The following ADAMTSL1 variants were observed in gnomAD, a reference collection of about 807,000 sequenced individuals.
ADAMTSL1 encodes the protein ADAMTS-like protein 1.
In ADAMTSL1, 126 loss-of-function variants were observed where a neutral mutation model predicts 201.8. That is an observed-to-expected ratio of 0.62 (90% CI 0.54 to 0.72). The LOEUF is 0.72. Among genes scored for constraint, ADAMTSL1 ranks in the 30% least tolerant of loss-of-function variants. The pLI is 0.00. For synonymous variants in ADAMTSL1, 1,121 were observed against 903.4 expected (o/e 1.24, Z -4.32); for missense variants, 2,679 against 2,277.8 (o/e 1.18, Z -3.59).
At chr9:18,892,714 G>A in intron 26 of ADAMTSL1, 118 bp downstream of exon 26, 1 of 1,204,114 alleles carries the variant, frequency 8.3e-7, no homozygotes, top group Non-Finnish European at 1.1e-6. Context: ...ATTCTGATTG[G>A]CCAGGCATAG....
rs879637545 is a variant in ADAMTSL1 at position 18,327,167 on chromosome 9, A to T, written c.207+163186A>T. On this transcript the variant is annotated intron_variant, in intron 2 of 29. Coordinates refer to the ADAMTSL1 transcript ENST00000680146. ...TATATGCAGCTTCTTTCTAAAGAGC[A>T]GTGACACTCTTGTTTCTGTAATAAC... Among the ~76,000 whole-genome samples the T allele has an allele frequency of 6.3e-3, 957 of 152,356 alleles. 3 individuals are homozygous for T. The highest frequency in any genetic ancestry group is 0.01 in the Non-Finnish European group (698 of 68,030).
At chr9:18,761,804 A>T (rs1209800427) in intron 16 of ADAMTSL1, among the ~76,000 whole-genome samples, 1 of 152,220 alleles carries the variant, frequency 6.6e-6, no homozygotes, top group Non-Finnish European at 1.5e-5. Flanking sequence ...ATGCAAACAC[A>T]CTGAAGAAAA....
chr9:18,723,355 A>G (rs1343539708), intron 15 of ADAMTSL1: 8 of 479,174 alleles, frequency 1.7e-5, no homozygotes, highest in Non-Finnish European at 3.0e-5. Context: ...CTGTGTTGTA[A>G]CAACACCCAA....
intron 2 of ADAMTSL1, among the ~76,000 whole-genome samples, chr9:18,312,746 C>G (rs900329950): frequency 6.6e-6 from 1 of 152,158 alleles, no homozygotes; most frequent in African/African-American, 2.4e-5. Flanking sequence ...CTCTGACTGT[C>G]TTAAGGTCTT....
At chr9:18,005,728 AATGTGCT>A (rs1381385790) in intron 1 of ADAMTSL1, among the ~76,000 whole-genome samples, 1 of 152,066 alleles carries the variant, frequency 6.6e-6, no homozygotes, top group African/African-American at 2.4e-5. Context: ...TAGTGATAGG[AATGTGCT>A]AGAGGCAGAA....
chr9:18,527,577 A>G (rs963701335), intron 2 of ADAMTSL1, among the ~76,000 whole-genome samples: 1 of 152,152 alleles, frequency 6.6e-6, no homozygotes. Flanking sequence ...TTTTCATGTC[A>G]TTTCACCTCT....
chr9:18,889,769 C>T, intron 25 of ADAMTSL1, 21 bp downstream of exon 25: 3 of 1,448,546 alleles, frequency 2.1e-6, no homozygotes, highest in Non-Finnish European at 2.7e-6. Context: ...CGGACACTGG[C>T]TCAGACCTCC....
intron 1 of ADAMTSL1, among the ~76,000 whole-genome samples, chr9:18,009,869 A>T (rs903229586): frequency 2.0e-5 from 3 of 152,102 alleles, no homozygotes; most frequent in Non-Finnish European, 4.4e-5. Flanking sequence ...ATAGGTACTC[A>T]GTCACAAACA....
chr9:18,128,014 A>G lies in ADAMTSL1; in HGVS notation c.88-35848A>G, dbSNP rs555333865. 3.3e-5 allele frequency among the ~76,000 whole-genome samples: 5 copies of G among 152,328 alleles called. No individual in the cohort carries two copies. In the South Asian group the frequency reaches 1.0e-3, roughly 32 times the overall value. ...ATAATTTTAGATGCTTTTCATTAAG[A>G]GATAACAGATTGCCTGTTGGTTGCT... On this transcript the variant is annotated intron_variant, in intron 1 of 29. Coordinates refer to the ADAMTSL1 transcript ENST00000680146.
intron 1 of ADAMTSL1, among the ~76,000 whole-genome samples, chr9:18,479,828 T>A (rs925825477): frequency 6.6e-6 from 1 of 152,180 alleles, no homozygotes; most frequent in African/African-American, 2.4e-5. Context: ...CAGGGAAAAG[T>A]ACAAGTAGGA....
intron 2 of ADAMTSL1, among the ~76,000 whole-genome samples, chr9:18,179,972 A>G (rs200861355): frequency 1.2e-4 from 19 of 152,180 alleles, no homozygotes; most frequent in African/African-American, 2.6e-4. Flanking sequence ...ATCAACTAAC[A>G]AGCAAAATAA....
intron 1 of ADAMTSL1, among the ~76,000 whole-genome samples, chr9:18,133,838 G>A (rs775975290): frequency 2.6e-5 from 4 of 152,028 alleles, no homozygotes; most frequent in Non-Finnish European, 4.4e-5. Flanking sequence ...AAAACTATTT[G>A]GTTAACTCTA....
At chr9:18,054,955 T>G (rs1475957521) in intron 1 of ADAMTSL1, among the ~76,000 whole-genome samples, 2 of 152,206 alleles carry the variant, frequency 1.3e-5, no homozygotes, top group African/African-American at 2.4e-5. Context: ...AGGCCAGTTA[T>G]TTTGACATTA....
At chr9:18,815,226 G>T (rs1823760133) in intron 20 of ADAMTSL1, among the ~76,000 whole-genome samples, 1 of 152,172 alleles carries the variant, frequency 6.6e-6, no homozygotes, top group African/African-American at 2.4e-5. Context: ...CAAAGGAAAT[G>T]AAAACAGTAA....
chr9:18,655,430 T>A (rs1024913887), intron 7 of ADAMTSL1, among the ~76,000 whole-genome samples: 2 of 152,138 alleles, frequency 1.3e-5, no homozygotes, highest in Admixed American at 1.3e-4. Flanking sequence ...TTTATTAACA[T>A]AAGGAGGTCA....
chr9:17,908,466 T>C (rs1825807089), intron 1 of ADAMTSL1, among the ~76,000 whole-genome samples: 1 of 152,150 alleles, frequency 6.6e-6, no homozygotes, highest in African/African-American at 2.4e-5. Flanking sequence ...GTGACTTTTT[T>C]TTTTTTTGAA....
intron 23 of ADAMTSL1, among the ~76,000 whole-genome samples, chr9:18,844,849 G>A (rs922949425): frequency 2.8e-4 from 43 of 152,246 alleles, no homozygotes; most frequent in African/African-American, 6.5e-4. Context: ...AGCCATGTGC[G>A]GGATATAATC....
chr9:17,972,630 G>A (rs1818259315), intron 1 of ADAMTSL1, among the ~76,000 whole-genome samples: 1 of 151,842 alleles, frequency 6.6e-6, no homozygotes, highest in African/African-American at 2.4e-5. Context: ...ACATACATGT[G>A]CATGTGTCTT....
intron 23 of ADAMTSL1, among the ~76,000 whole-genome samples, chr9:18,858,375 G>A (rs980456044): frequency 5.3e-5 from 8 of 152,076 alleles, no homozygotes; most frequent in Admixed American, 1.3e-4. Context: ...TGGTTTAGAT[G>A]CCCTTTTCAC....
Sources: allele counts gnomAD v4.1 joint callset (sites outside exome capture counted in the v4.1 genomes callset), GRCh38; gene constraint gnomAD v4.1.1; transcripts MANE v1.5; gene names NCBI Gene and HGNC (gene_info 2026-07-23, HGNC 2026-07-21).